The following CNOT2 variants were observed in gnomAD, a reference collection of about 807,000 sequenced individuals.
CNOT2 encodes CCR4-NOT transcription complex subunit 2, also known as CC chemokine receptor 4-negative regulator of transcription 2.
A neutral mutation model predicts 72.1 loss-of-function variants in CNOT2; 7 were observed. That is an observed-to-expected ratio of 0.10 (90% CI 0.06 to 0.18). The LOEUF (loss-of-function observed/expected upper bound fraction) is 0.18, where lower values mean the gene tolerates loss of function less well. Ranked by LOEUF, CNOT2 falls within the 10% of genes least tolerant of loss-of-function variation. CNOT2 has a pLI of 1.00. For synonymous variants in CNOT2, 196 were observed against 225.6 expected, an observed-to-expected ratio of 0.87 and a Z score of 1.17; for missense variants, 345 against 660.3, an observed-to-expected ratio of 0.52 and a Z score of 5.23.
intron 1 of CNOT2, among the ~76,000 whole-genome samples, chr12:70,274,997 C>G (rs1487575465): frequency 6.6e-6 from 1 of 152,024 alleles, no homozygotes; most frequent in Non-Finnish European, 1.5e-5. Flanking sequence ...AACCTGTTTT[C>G]AGTTTATACT....
At chr12:70,289,868 T>C (rs1331693386) in intron 2 of CNOT2, among the ~76,000 whole-genome samples, 1 of 152,106 alleles carries the variant, frequency 6.6e-6, no homozygotes, top group Non-Finnish European at 1.5e-5. Context: ...CTTTTAGGGC[T>C]TCTTTGCATG....
intron 11 of CNOT2, among the ~76,000 whole-genome samples, chr12:70,339,519 C>T (rs543778255): frequency 1.7e-4 from 26 of 152,218 alleles, no homozygotes; most frequent in Non-Finnish European, 3.4e-4. Flanking sequence ...ATGGCCAAAG[C>T]TACAGTACTG....
At position 70,319,298 on chromosome 12, in the gene CNOT2, A is replaced by G. The variant is rs1449780771; in HGVS notation, c.172A>G (p.Met58Val). The G allele has an allele frequency of 1.2e-6, 2 of 1,608,984 alleles. No individual in the cohort carries two copies. Among genetic ancestry groups the G allele is most frequent in the Non-Finnish European group, 1.7e-6 (2 of 1,176,666 alleles). The change falls in exon 4 of 16, where the codon ATG becomes GTG. Residue 58 changes from methionine (M) to valine (V), a missense_variant and splice_region_variant. Met to Val is a conservative substitution (Grantham distance 21, BLOSUM62 1). This residue lies in a region of CNOT2 where 157 missense variants were observed against 235.3 expected (regional missense o/e 0.67). Coordinates refer to ENST00000229195, the MANE Select transcript of CNOT2 (RefSeq NM_014515.7). ...SMFPHRSEKDMLASPSTSGQL... is the reference protein window; with the variant it reads ...SMFPHRSEKDVLASPSTSGQL... ...TCTAATATAATTAATTTGTTTCTAG[A>G]TGCTGGCATCACCATCTACATCAGG...
intron 2 of CNOT2, among the ~76,000 whole-genome samples, chr12:70,296,912 A>G (rs1025765964): frequency 6.6e-6 from 1 of 152,214 alleles, no homozygotes. Context: ...GGTTGTAACA[A>G]TATAATATTT....
chr12:70,342,426 T>A (rs1446960273), intron 13 of CNOT2, 119 bp downstream of exon 13: 8 of 1,151,676 alleles, frequency 6.9e-6, no homozygotes, highest in Non-Finnish European at 9.9e-6. Flanking sequence ...GGATATGCTT[T>A]CATATGTCCA....
chr12:70,281,453 C>T lies in CNOT2; in HGVS notation c.48+3179C>T, dbSNP rs145448429. ...ACCTTTAGACTTTCCAAATTCTGGC[C>T]TCCTTACATCCATTTACCTTTCCAA... On this transcript the variant is annotated intron_variant, in intron 2 of 15. Transcript: ENST00000229195. 2.9e-3 allele frequency among the ~76,000 whole-genome samples: 444 copies of T among 152,282 alleles called. 1 individual carries two copies. Among genetic ancestry groups the T allele is most frequent in the African/African-American group, 0.01 (428 of 41,566 alleles).
At chr12:70,274,701 GA>G (rs1868464375) in intron 1 of CNOT2, among the ~76,000 whole-genome samples, 3 of 152,056 alleles carry the variant, frequency 2.0e-5, no homozygotes, top group African/African-American at 7.2e-5. Context: ...ACTAAGGCCA[GA>G]GAGAAGTAAT....
chr12:70,307,960 T>TCCC (rs1296578540), intron 2 of CNOT2: 3 of 151,832 alleles, frequency 2.0e-5, no homozygotes, highest in Non-Finnish European at 2.9e-5. Flanking sequence ...TCTCTTGATT[T>TCCC]CCCGTCTAAC....
intron 2 of CNOT2, among the ~76,000 whole-genome samples, chr12:70,283,743 G>C (rs1003738717): frequency 6.6e-6 from 1 of 151,336 alleles, no homozygotes; most frequent in Non-Finnish European, 1.5e-5. Flanking sequence ...CCAGATGGCT[G>C]TGACATGTTA....
intron 15 of CNOT2, among the ~76,000 whole-genome samples, chr12:70,347,391 G>C (rs1040611195): frequency 6.6e-6 from 1 of 152,060 alleles, no homozygotes; most frequent in Non-Finnish European, 1.5e-5. Context: ...CCAGCACTTT[G>C]GGAGGCTGAG....
At chr12:70,346,382 C>T (rs1882172217) in intron 15 of CNOT2, 58 bp downstream of exon 15, 1 of 1,432,426 alleles carries the variant, frequency 7.0e-7, no homozygotes, top group Admixed American at 1.7e-5. Flanking sequence ...GAAGTGTCCT[C>T]TTTTATCTGT....
intron 3 of CNOT2, among the ~76,000 whole-genome samples, chr12:70,312,567 G>T (rs959843460): frequency 6.6e-6 from 1 of 151,860 alleles, no homozygotes; most frequent in Non-Finnish European, 1.5e-5. Context: ...ACAAATGTTG[G>T]CCACCATTCT....
chr12:70,341,175 C>T (rs551823666), intron 11 of CNOT2, among the ~76,000 whole-genome samples: 18 of 152,150 alleles, frequency 1.2e-4, no homozygotes, highest in African/African-American at 3.9e-4. Context: ...TGTGAGCCAC[C>T]GCGCTTGACC....
At chr12:70,303,689 T>C (rs557910128) in intron 2 of CNOT2, among the ~76,000 whole-genome samples, 21 of 152,288 alleles carry the variant, frequency 1.4e-4, no homozygotes, top group African/African-American at 4.6e-4. Context: ...CTGACAATTA[T>C]GTGTCTTGGC....
At chr12:70,270,225 A>T (rs1959187917) in intron 1 of CNOT2, among the ~76,000 whole-genome samples, 1 of 152,180 alleles carries the variant, frequency 6.6e-6, no homozygotes, top group South Asian at 2.1e-4. Flanking sequence ...GTATTTCTTG[A>T]CAGGGAATAC....
At chr12:70,298,899 T>C (rs1288892509) in intron 2 of CNOT2, among the ~76,000 whole-genome samples, 1 of 152,138 alleles carries the variant, frequency 6.6e-6, no homozygotes, top group Non-Finnish European at 1.5e-5. Flanking sequence ...ATAAATAATT[T>C]TTACTTTAAA....
At chr12:70,307,307 G>C (rs74992482) in intron 2 of CNOT2, among the ~76,000 whole-genome samples, 5 of 151,828 alleles carry the variant, frequency 3.3e-5, no homozygotes, top group Non-Finnish European at 7.4e-5. Flanking sequence ...ACTTAAACAC[G>C]TACAGCTGTA....
chr12:70,307,799 C>T (rs780790982), intron 2 of CNOT2: 1 of 152,080 alleles, frequency 6.6e-6, no homozygotes, highest in African/African-American at 2.4e-5. Context: ...ACTCACCACC[C>T]TATTAGGCCA....
upstream of CNOT2, chr12:70,243,402 G>A (rs556508407): frequency 2.0e-5 from 3 of 152,780 alleles, no homozygotes; most frequent in East Asian, 5.8e-4. Flanking sequence ...GGCGGTCAGA[G>A]GGTAAAGGTC....
Sources: allele counts gnomAD v4.1 joint callset (sites outside exome capture counted in the v4.1 genomes callset), GRCh38; gene constraint gnomAD v4.1.1; regional missense constraint gnomAD v4.1.1; transcripts MANE v1.5; gene names NCBI Gene and HGNC (gene_info 2026-07-23, HGNC 2026-07-21).